Variants in TTC7B observed in about 807,000 individuals in gnomAD.
TTC7B encodes tetratricopeptide repeat domain 7B, also known as tetratricopeptide repeat protein 7B.
A neutral mutation model predicts 106.8 loss-of-function variants in TTC7B; 28 were observed. The ratio of observed to expected loss-of-function variants is 0.26; its 90% CI spans 0.19 to 0.36. The LOEUF is 0.36. Ranked by LOEUF, TTC7B falls within the 10% of genes least tolerant of loss-of-function variation. The pLI is 1.00. For synonymous variants in TTC7B, 405 were observed against 430.6 expected (o/e 0.94, Z 0.74); for missense variants, 862 against 1,076.4 (o/e 0.80, Z 2.79).
chr14:90,661,447 G>A (rs2139905269), intron 9 of TTC7B, among the ~76,000 whole-genome samples: 1 of 152,284 alleles, frequency 6.6e-6, no homozygotes, highest in East Asian at 1.9e-4. Context: ...GGTCTGGGAG[G>A]CATGGGCTGG....
At chr14:90,627,055 T>C (rs934129882) in intron 15 of TTC7B, among the ~76,000 whole-genome samples, 2 of 151,640 alleles carry the variant, frequency 1.3e-5, no homozygotes, top group African/African-American at 4.8e-5. Flanking sequence ...GGCTCGAGGG[T>C]CAAGACCCTC....
At chr14:90,773,550 C>A (rs1035757589) in intron 3 of TTC7B, among the ~76,000 whole-genome samples, 2 of 152,286 alleles carry the variant, frequency 1.3e-5, no homozygotes, top group African/African-American at 4.8e-5. Flanking sequence ...CACAATCACG[C>A]AGGTAAATCA....
intron 6 of TTC7B, among the ~76,000 whole-genome samples, chr14:90,692,171 G>A (rs547469640): frequency 6.6e-6 from 1 of 152,150 alleles, no homozygotes; most frequent in African/African-American, 2.4e-5. Flanking sequence ...GTGCTGCTAC[G>A]AACATCCATG....
At chr14:90,620,929 G>C (rs1884134497) in intron 15 of TTC7B, among the ~76,000 whole-genome samples, 1 of 152,220 alleles carries the variant, frequency 6.6e-6, no homozygotes. Context: ...GAAGAACAAT[G>C]GTAGAGTGGC....
rs368485231 is a variant in TTC7B, at chr14:90,591,437, A to G, written c.2107+2049T>C. On this transcript the variant is annotated intron_variant, in intron 18 of 19. Coordinates refer to ENST00000328459, the MANE Select transcript of TTC7B (RefSeq NM_001010854.2). ...TCAGCTACAAAATTTCCTCCCCAAC[A>G]GTCACGGCAGGCCACGCAAAGTGGG... 1.2e-4 allele frequency among the ~76,000 whole-genome samples: 18 copies of G among 152,368 alleles called. No homozygotes were observed. The East Asian group carries it at 3.3e-3, about 28-fold the overall frequency.
Position 90,804,602 on chromosome 14 carries a change from G to A in TTC7B, c.121+11573C>T, listed in dbSNP as rs117823437. Among the ~76,000 whole-genome samples, 962 of 152,336 alleles carry A rather than the reference G, an allele frequency of 6.3e-3. 2 individuals are homozygous for A. Among genetic ancestry groups the A allele is most frequent in the Non-Finnish European group, 0.01 (714 of 68,040 alleles). On this transcript the variant is annotated intron_variant, in intron 1 of 19. Coordinates refer to ENST00000328459, the MANE Select transcript of TTC7B (RefSeq NM_001010854.2). ...CAGAGGCTAGGAAGGGATGCCACAG[G>A]CTGCAAGCCAGCTGCAAAGGGTCTC...
intron 1 of TTC7B, among the ~76,000 whole-genome samples, chr14:90,814,590 G>C (rs1486879600): frequency 2.0e-5 from 3 of 152,264 alleles, no homozygotes; most frequent in Non-Finnish European, 4.4e-5. Flanking sequence ...AGACCAGGAG[G>C]CTCACAAATA....
At chr14:90,758,050 C>T (rs4534766) in intron 3 of TTC7B, among the ~76,000 whole-genome samples, 99,856 of 151,818 alleles carry the variant, frequency 0.66, 33,660 homozygotes, top group African/African-American at 0.8. Flanking sequence ...TGCCTGCGAA[C>T]AGCCAGGGCC....
chr14:90,775,648 C>T (rs74084149), intron 3 of TTC7B, among the ~76,000 whole-genome samples: 1,565 of 152,192 alleles, frequency 0.01, 29 homozygotes, highest in African/African-American at 0.036. Flanking sequence ...CTCAGCTTGA[C>T]GGAAAAATTT....
rs1893157608 is a variant in TTC7B, at chr14:90,618,025, T to C, written c.1772A>G (p.Lys591Arg). The change falls in exon 16 of 20, where the codon AAG (lysine) becomes AGG (arginine). Residue 591 changes from lysine (K) to arginine (R), a missense_variant. By Grantham distance (26) the Lys-to-Arg change is conservative. Transcript: ENST00000328459. ...ENFILLFSKV[K>R]LQSLCRGPDE... ...CGGGCCTCGGCAGAGTGACTGCAAC[T>C]TCACTTTGGAAAACAGTAGTCTGCA... The C allele has an allele frequency of 1.2e-6, 2 of 1,613,514 alleles. No individual in the cohort carries two copies. The highest frequency in any genetic ancestry group is 1.3e-5 in the African/African-American group (1 of 75,052).
intron 17 of TTC7B, among the ~76,000 whole-genome samples, chr14:90,594,799 C>G (rs1892134314): frequency 6.6e-6 from 1 of 152,128 alleles, no homozygotes; most frequent in Non-Finnish European, 1.5e-5. Context: ...GGAATGTACC[C>G]ATCATCTATA....
At position 90,816,179 on chromosome 14, in the gene TTC7B, G is replaced by T; in HGVS notation, c.117C>A (p.Ala39=). The change falls in exon 1 of 20, where the codon GCC becomes GCA. Residue 39 remains alanine, a synonymous_variant. Coordinates refer to ENST00000328459, the MANE Select transcript of TTC7B (RefSeq NM_001010854.2). ...GCCGGCGCGCCCGGAGCGTACCGTT[G>T]GCGATGAGCTTGGCCGACAGCTGCT... is the stretch of plus-strand genomic sequence containing the variant. ...LVKQLSAKLI[A]NDDMAELLLG... is the part of the protein sequence containing the mutation. 1 of 1,247,662 alleles carries T rather than the reference G, an allele frequency of 8.0e-7. No homozygotes were observed. The highest frequency in any genetic ancestry group is 1.0e-6 in the Non-Finnish European group (1 of 963,364). 77.3% of individuals were successfully genotyped at this position (1,247,662 alleles called of 1,614,324 possible).
In TTC7B at chr14:90,744,905, G is replaced by T; in HGVS notation, c.463C>A (p.Leu155Met). 6.2e-7 allele frequency: 1 copy of T among 1,613,532 alleles called. No individual in the cohort carries two copies. Among genetic ancestry groups the T allele is most frequent in the East Asian group, 2.2e-5 (1 of 44,870 alleles). ...YATKGLCLEK[L>M]PISSSTSNLH... ...TTACTGGTAGAAGAAGAAATAGGCA[G>T]CTTCTCCAAACAAAGTCCTTAAAAA... The change falls in exon 4 of 20, where the codon CTG becomes ATG. Residue 155 changes from leucine to methionine, a missense_variant. By Grantham distance (15) the Leu-to-Met change is conservative. Coordinates refer to ENST00000328459, the MANE Select transcript of TTC7B (RefSeq NM_001010854.2).
At chr14:90,635,482 C>CG (rs1555384213) in intron 15 of TTC7B, among the ~76,000 whole-genome samples, 1 of 151,866 alleles carries the variant, frequency 6.6e-6, no homozygotes, top group Non-Finnish European at 1.5e-5. Flanking sequence ...ATATATAGGC[C>CG]GGGCGCAGTG....
chr14:90,726,258 G>A (rs1161690769), intron 5 of TTC7B, among the ~76,000 whole-genome samples: 1 of 152,210 alleles, frequency 6.6e-6, no homozygotes, highest in East Asian at 1.9e-4. Flanking sequence ...TGCTAGCTGG[G>A]CTGTGAAATG....
intron 18 of TTC7B, among the ~76,000 whole-genome samples, chr14:90,589,007 A>T (rs1319264680): frequency 2.0e-5 from 3 of 152,136 alleles, no homozygotes; most frequent in Non-Finnish European, 4.4e-5. Context: ...AGTATCTAAG[A>T]AGATAAATGG....
chr14:90,560,007 C>T (rs1284461997), intron 19 of TTC7B, among the ~76,000 whole-genome samples: 1 of 152,210 alleles, frequency 6.6e-6, no homozygotes, highest in African/African-American at 2.4e-5. Flanking sequence ...TCTGGAATGG[C>T]AGAGAACCTC....
chr14:90,622,870 C>T (rs74081241), intron 15 of TTC7B, among the ~76,000 whole-genome samples: 4,141 of 152,224 alleles, frequency 0.027, 192 homozygotes, highest in African/African-American at 0.095. Context: ...TCATACAATG[C>T]CTTTGCGGTC....
In TTC7B at chr14:90,535,484, GC is replaced by G; in HGVS notation, c.*5883del. ...TGCTGCTGCTCTGGGGAACCACCAG[GC>G]CCCCAGCCAAGGCAGCCCCCCTCAG... is the stretch of plus-strand genomic sequence containing the variant. On this transcript the variant is annotated 3_prime_UTR_variant, in exon 20 of 20. Coordinates refer to ENST00000328459, the MANE Select transcript of TTC7B (RefSeq NM_001010854.2). The G allele has an allele frequency of 6.5e-6, 1 of 153,008 alleles. No homozygotes were observed. Among genetic ancestry groups the G allele is most frequent in the African/African-American group, 2.4e-5 (1 of 41,568 alleles). The allele number at this position is 153,008 out of a possible 1,614,324, so 9.5% of individuals were successfully genotyped here. A position where few individuals can be genotyped will look rare whatever the true frequency, so the allele number is the denominator to read the frequency against.
Sources: gnomAD v4.1 joint callset for allele counts (sites outside exome capture counted in the v4.1 genomes callset) on GRCh38, gnomAD v4.1.1 for gene constraint, MANE v1.5 for transcripts, NCBI Gene and HGNC (gene_info 2026-07-23, HGNC 2026-07-21) for gene names.